The following PCDH15 variants were observed in gnomAD, a reference collection of about 807,000 sequenced individuals.
The protein encoded by PCDH15 is protocadherin-15.
In PCDH15, 129 loss-of-function variants were observed where a neutral mutation model predicts 178.5. The observed-to-expected ratio is 0.72, with a 90% CI of 0.63 to 0.84. The LOEUF (loss-of-function observed/expected upper bound fraction) is 0.84. PCDH15 is among the 40% of genes least tolerant of loss of function. The pLI, the probability that PCDH15 is intolerant of heterozygous loss-of-function variation, is 0.00. For missense variants in PCDH15, 2,230 were observed against 2,099.9 expected (o/e 1.06, Z -1.21); for synonymous variants, 800 against 732.0 (o/e 1.09, Z -1.50).
intron 8 of PCDH15, among the ~76,000 whole-genome samples, chr10:54,268,780 T>C (rs560792620): frequency 2.6e-5 from 4 of 152,042 alleles, no homozygotes; most frequent in Admixed American, 6.6e-5. Context: ...TAATAAGACA[T>C]ACACACACAG....
chr10:54,999,360 A>T (rs989521563), intron 2 of PCDH15, among the ~76,000 whole-genome samples: 1 of 152,114 alleles, frequency 6.6e-6, no homozygotes, highest in African/African-American at 2.4e-5. Flanking sequence ...TGTTATTTGG[A>T]AAAGTAGGTA....
intron 1 of PCDH15, among the ~76,000 whole-genome samples, chr10:54,684,632 T>C (rs2094960610): frequency 6.6e-6 from 1 of 151,978 alleles, no homozygotes; most frequent in Admixed American, 6.6e-5. Context: ...CTGGAAAAAA[T>C]GTTTTAAATT....
chr10:54,701,915 A>C (rs1315353887), intron 1 of PCDH15, among the ~76,000 whole-genome samples: 3 of 152,090 alleles, frequency 2.0e-5, no homozygotes, highest in African/African-American at 7.2e-5. Context: ...AAAATTAACA[A>C]ATATATTTGG....
intron 1 of PCDH15, among the ~76,000 whole-genome samples, chr10:54,787,084 A>T (rs769626546): frequency 6.6e-6 from 1 of 151,822 alleles, no homozygotes; most frequent in Non-Finnish European, 1.5e-5. Flanking sequence ...TAGAATGCCA[A>T]TTTTGATTCT....
At chr10:54,977,995 A>G (rs938226419) in intron 2 of PCDH15, among the ~76,000 whole-genome samples, 2 of 152,202 alleles carry the variant, frequency 1.3e-5, no homozygotes, top group African/African-American at 2.4e-5. Context: ...AAAGCCTCTC[A>G]TAGCATTTAG....
chr10:55,463,991 G>GAA (rs1459820713), intron 2 of PCDH15, among the ~76,000 whole-genome samples: 1 of 21,110 alleles, frequency 4.7e-5, no homozygotes, highest in African/African-American at 3.0e-4. Flanking sequence ...AAGAAAGAAA[G>GAA]AGAAAGAAAG....
At chr10:54,217,567 A>G (rs1427208658) in intron 9 of PCDH15, among the ~76,000 whole-genome samples, 1 of 152,222 alleles carries the variant, frequency 6.6e-6, no homozygotes, top group African/African-American at 2.4e-5. Context: ...TTAAAGAGGT[A>G]AAATAGAACA....
intron 18 of PCDH15, among the ~76,000 whole-genome samples, chr10:54,046,902 T>C (rs1231009638): frequency 6.6e-6 from 1 of 152,144 alleles, no homozygotes; most frequent in African/African-American, 2.4e-5. Context: ...GTTGCCAAGC[T>C]TATTCCTCAG....
intron 6 of PCDH15, 151 bp downstream of exon 6, chr10:54,346,214 C>T (rs1943251634): frequency 1.3e-6 from 1 of 778,194 alleles, no homozygotes; most frequent in South Asian, 1.8e-5. Context: ...ATAAATATTA[C>T]AAATAATTCA....
chr10:55,264,227 G>C (rs375537139), intron 1 of PCDH15, among the ~76,000 whole-genome samples: 7 of 152,166 alleles, frequency 4.6e-5, no homozygotes, highest in East Asian at 3.9e-4. Flanking sequence ...TCTTTTTAAG[G>C]GTAAGGCCCT....
chr10:54,183,995 C>G (rs536624789), intron 12 of PCDH15, among the ~76,000 whole-genome samples: 3 of 152,176 alleles, frequency 2.0e-5, no homozygotes, highest in African/African-American at 7.2e-5. Flanking sequence ...TGTGTTTATA[C>G]CATCAGGAAG....
chr10:54,191,244 G>T (rs1337768367), intron 11 of PCDH15, among the ~76,000 whole-genome samples: 1 of 152,164 alleles, frequency 6.6e-6, no homozygotes, highest in African/African-American at 2.4e-5. Flanking sequence ...GAGGGAGAAA[G>T]ACATTATTTT....
chr10:54,854,651 C>T (rs1953704693), intron 3 of PCDH15, among the ~76,000 whole-genome samples: 1 of 152,094 alleles, frequency 6.6e-6, no homozygotes, highest in African/African-American at 2.4e-5. Context: ...GAGAGGAGGC[C>T]ATGGTGTGGG....
intron 2 of PCDH15, among the ~76,000 whole-genome samples, chr10:54,571,306 T>G (rs1267532329): frequency 7.2e-6 from 1 of 138,370 alleles, no homozygotes. Flanking sequence ...TCTGAGGTGC[T>G]GAAGTACGAG....
chr10:55,547,950 A>AGAGAGAGACAGG (rs1296279284), intron 2 of PCDH15, among the ~76,000 whole-genome samples: 1 of 147,632 alleles, frequency 6.8e-6, no homozygotes, highest in African/African-American at 2.5e-5. Context: ...AGAGAGAGAG[A>AGAGAGAGACAGG]GACAGGGACA....
chr10:55,544,455 T>C (rs1841835220), intron 2 of PCDH15, among the ~76,000 whole-genome samples: 1 of 151,988 alleles, frequency 6.6e-6, no homozygotes, highest in South Asian at 2.1e-4. Flanking sequence ...ATTTTTCAAA[T>C]GTCTGTTCTC....
intron 8 of PCDH15, among the ~76,000 whole-genome samples, chr10:54,310,616 G>A (rs1274362748): frequency 6.6e-6 from 1 of 151,882 alleles, no homozygotes; most frequent in Non-Finnish European, 1.5e-5. Context: ...AGAAAAAGAC[G>A]AGAAATTCAA....
At chr10:54,660,138 A>G (rs943155616) in intron 2 of PCDH15, among the ~76,000 whole-genome samples, 2 of 152,120 alleles carry the variant, frequency 1.3e-5, no homozygotes, top group Admixed American at 1.3e-4. Flanking sequence ...AACAAAGCAA[A>G]AGTTGTGTCT....
chr10:54,989,982 G>A (rs1046573435), intron 2 of PCDH15, among the ~76,000 whole-genome samples: 7 of 152,142 alleles, frequency 4.6e-5, no homozygotes, highest in Non-Finnish European at 7.4e-5. Context: ...GAGTTCCCCT[G>A]CACAAGCTCT....
Sources: gnomAD v4.1 joint callset for allele counts (sites outside exome capture counted in the v4.1 genomes callset) on GRCh38, gnomAD v4.1.1 for gene constraint, MANE v1.5 for transcripts, NCBI Gene and HGNC (gene_info 2026-07-23, HGNC 2026-07-21) for gene names.